Variants in ELF2 observed in about 807,000 individuals in gnomAD.
ELF2 encodes ETS-related transcription factor Elf-2.
In ELF2, 11 loss-of-function variants were observed where a neutral mutation model predicts 54.8. The ratio of observed to expected loss-of-function variants is 0.20; its 90% CI spans 0.13 to 0.33. ELF2 has a LOEUF of 0.33. Among genes scored for constraint, ELF2 ranks in the 10% least tolerant of loss-of-function variants. The probability of loss-of-function intolerance (pLI) is 1.00; values close to 1 mark genes in which losing one functional copy is unlikely to be tolerated. For missense variants in ELF2, 513 were observed against 703.0 expected, an observed-to-expected ratio of 0.73 and a Z score of 3.06; for synonymous variants, 203 against 245.1, an observed-to-expected ratio of 0.83 and a Z score of 1.61.
chr4:139,073,208 A>C (rs1428821767), intron 5 of ELF2, among the ~76,000 whole-genome samples: 1 of 152,150 alleles, frequency 6.6e-6, no homozygotes, highest in African/African-American at 2.4e-5. Flanking sequence ...TGACAGTACA[A>C]ATAGCTATTT....
At chr4:139,087,016 A>G (rs896774989) in intron 4 of ELF2, among the ~76,000 whole-genome samples, 8 of 152,214 alleles carry the variant, frequency 5.3e-5, no homozygotes, top group Non-Finnish European at 1.2e-4. Flanking sequence ...CATATGTACA[A>G]TAGCATTCAT....
chr4:139,087,946 G>A lies in ELF2; in HGVS notation c.239-14379C>T, dbSNP rs138076193. Among the ~76,000 whole-genome samples, 50 of 152,200 alleles carry A rather than the reference G, an allele frequency of 3.3e-4. 1 individual carries two copies. In the East Asian group the frequency reaches 8.7e-3, roughly 26 times the overall value. On this transcript the variant is annotated intron_variant, in intron 4 of 9. Coordinates refer to ENST00000686138, the MANE Select transcript of ELF2 (RefSeq NM_001331036.3). The stretch of plus-strand genomic sequence containing the variant: ...CTGGGAAAAAAAATTTGCAATTCTT[G>A]TGAAACTTTACAAGGACCCATATAT...
chr4:139,104,960 G>T (rs919519880), intron 4 of ELF2, among the ~76,000 whole-genome samples: 1 of 151,848 alleles, frequency 6.6e-6, no homozygotes, highest in Admixed American at 6.6e-5. Flanking sequence ...CTCATTTTTC[G>T]CAACTTAGTA....
chr4:139,076,772 G>A (rs1730780019), intron 4 of ELF2, among the ~76,000 whole-genome samples: 1 of 152,004 alleles, frequency 6.6e-6, no homozygotes, highest in South Asian at 2.1e-4. Flanking sequence ...TCAAAACCAT[G>A]ATTTTGTGTT....
chr4:139,110,215 C>A (rs939021380), intron 4 of ELF2, among the ~76,000 whole-genome samples: 1 of 152,060 alleles, frequency 6.6e-6, no homozygotes, highest in Non-Finnish European at 1.5e-5. Flanking sequence ...CTTAAAGTGG[C>A]AAAATAAGAT....
At chr4:139,074,417 A>C (rs1487022414) in intron 4 of ELF2, among the ~76,000 whole-genome samples, 1 of 152,192 alleles carries the variant, frequency 6.6e-6, no homozygotes, top group East Asian at 1.9e-4. Flanking sequence ...GAGTAGAGTA[A>C]GCCCTCCGTG....
At chr4:139,073,387 A>C in intron 5 of ELF2, 67 bp downstream of exon 5, 1 of 1,181,634 alleles carries the variant, frequency 8.5e-7, no homozygotes, top group Admixed American at 2.6e-5. Flanking sequence ...TAAAAAAACA[A>C]AAAACTTTAT....
At chr4:139,108,106 G>C (rs1488070406) in intron 4 of ELF2, among the ~76,000 whole-genome samples, 1 of 152,148 alleles carries the variant, frequency 6.6e-6, no homozygotes, top group Non-Finnish European at 1.5e-5. Context: ...GTCGATGATA[G>C]GCTGTCATTA....
At chr4:139,121,172 G>A (rs1054563320) in intron 4 of ELF2, among the ~76,000 whole-genome samples, 18 of 133,612 alleles carry the variant, frequency 1.3e-4, no homozygotes, top group Admixed American at 6.5e-4. Flanking sequence ...GCAGTGGCGC[G>A]ATCTCGGCTC....
intron 4 of ELF2, among the ~76,000 whole-genome samples, chr4:139,118,327 ACAAT>A (rs1735964102): frequency 6.6e-6 from 1 of 152,222 alleles, no homozygotes; most frequent in Non-Finnish European, 1.5e-5. Context: ...ATTGTAGACC[ACAAT>A]CATTGTGGAA....
chr4:139,079,259 T>G (rs184549917), intron 4 of ELF2, among the ~76,000 whole-genome samples: 1 of 152,142 alleles, frequency 6.6e-6, no homozygotes, highest in Non-Finnish European at 1.5e-5. Context: ...AAACAAAAAG[T>G]AAGTAGCTTT....
At chr4:139,148,205 G>A (rs940101035) in intron 1 of ELF2, among the ~76,000 whole-genome samples, 2 of 151,338 alleles carry the variant, frequency 1.3e-5, no homozygotes, top group African/African-American at 4.9e-5. Context: ...TGGGGGGGTG[G>A]GGAGACAAGG....
intron 4 of ELF2, among the ~76,000 whole-genome samples, chr4:139,122,913 G>A (rs1736524742): frequency 6.6e-6 from 1 of 151,880 alleles, no homozygotes; most frequent in Admixed American, 6.5e-5. Context: ...GGCTGGGCAC[G>A]CTGGCTTGTG....
chr4:139,081,406 T>C (rs1245433520), intron 4 of ELF2, among the ~76,000 whole-genome samples: 3 of 152,198 alleles, frequency 2.0e-5, no homozygotes, highest in Non-Finnish European at 2.9e-5. Flanking sequence ...TTAAGTGTTA[T>C]ATACTTGCTT....
chr4:139,072,296 C>G (rs955974614), intron 5 of ELF2: 3 of 343,532 alleles, frequency 8.7e-6, no homozygotes, highest in Admixed American at 4.9e-5. Flanking sequence ...TCACTCCACT[C>G]TTTCACACTT....
rs59019279 is a variant in ELF2 at position 139,172,882 on chromosome 4, CGGGGGGGGGGGGGGG to C, written c.-252+4070_-252+4084del. Among the ~76,000 whole-genome samples the C allele has an allele frequency of 7.2e-4, 37 of 51,214 alleles. 2 individuals carry two copies. Among genetic ancestry groups the C allele is most frequent in the African/African-American group, 1.8e-3 (29 of 16,128 alleles). The allele number at this position is 51,214 out of a possible 152,430, so 33.6% of individuals were successfully genotyped here. ...CTTGGAATGTATCCCACACAGATAA[CGGGGGGGGGGGGGGG>C]GGGGGGGGCTATCATATACCTATAC... is the stretch of plus-strand genomic sequence containing the variant. On this transcript the variant is annotated intron_variant, in intron 1 of 9. Transcript: ENST00000686138.
At chr4:139,065,793 A>C (rs563551654) in intron 7 of ELF2, among the ~76,000 whole-genome samples, 4 of 152,116 alleles carry the variant, frequency 2.6e-5, no homozygotes, top group Non-Finnish European at 4.4e-5. Context: ...CACTGAGGAT[A>C]AGAATTATTT....
rs555355373 is a variant in ELF2 at position 139,130,230 on chromosome 4, AAAC to A, written c.73-4904_73-4902del. 7.4e-3 allele frequency among the ~76,000 whole-genome samples: 1,126 copies of A among 152,062 alleles called. 11 individuals carry two copies. The highest frequency in any genetic ancestry group is 0.026 in the African/African-American group (1,079 of 41,450). ...TCCCTCCTAGCCCTCAAAAAAAAAC[AAAC>A]AACAATAAAAAAAAAATCTATCAAC... is the stretch of plus-strand genomic sequence containing the variant. On this transcript the variant is annotated intron_variant, in intron 3 of 9. Transcript: ENST00000686138.
In ELF2 at chr4:139,129,220, G is replaced by A. The variant is rs1269753108; in HGVS notation, c.73-3891C>T. On this transcript the variant is annotated intron_variant, in intron 3 of 9. Transcript: ENST00000686138. Reference sequence around the variant, plus strand: ...CCCAAAGTGCTGGGATGACAGGCATGAGCGACTACCCCCGGCCTACCACTC... The same window carrying A: ...CCCAAAGTGCTGGGATGACAGGCATAAGCGACTACCCCCGGCCTACCACTC... Among the ~76,000 whole-genome samples the A allele has an allele frequency of 4.6e-5, 7 of 152,178 alleles. No homozygotes were observed. In the South Asian group the frequency reaches 6.2e-4, roughly 14 times the overall value.
Sources: gnomAD v4.1 joint callset for allele counts (sites outside exome capture counted in the v4.1 genomes callset) on GRCh38, gnomAD v4.1.1 for gene constraint, MANE v1.5 for transcripts, NCBI Gene and HGNC (gene_info 2026-07-23, HGNC 2026-07-21) for gene names.